The following CLASP2 variants were observed in gnomAD, a reference collection of about 807,000 sequenced individuals.
CLASP2 encodes cytoplasmic linker associated protein 2, also known as CLIP-associating protein 2.
In CLASP2, 47 loss-of-function variants were observed where a neutral mutation model predicts 194.4. The ratio of observed to expected loss-of-function variants is 0.24; its 90% CI spans 0.19 to 0.31. The LOEUF (loss-of-function observed/expected upper bound fraction) is 0.31. Among genes scored for constraint, CLASP2 ranks in the 10% least tolerant of loss-of-function variants. CLASP2 has a pLI of 1.00. For missense variants in CLASP2, 1,445 were observed against 1,823.6 expected (o/e 0.79, Z 3.78); for synonymous variants, 619 against 633.5 (o/e 0.98, Z 0.34).
chr3:33,581,672 C>G (rs1423205147), intron 23 of CLASP2, 149 bp downstream of exon 23: 2 of 589,926 alleles, frequency 3.4e-6, no homozygotes, highest in African/African-American at 3.8e-5. Context: ...ATTTCCCAAA[C>G]ATGTAATTTC....
intron 6 of CLASP2, among the ~76,000 whole-genome samples, chr3:33,674,609 G>A (rs1209093240): frequency 6.6e-6 from 1 of 151,918 alleles, no homozygotes; most frequent in African/African-American, 2.4e-5. Flanking sequence ...AGGAAATAGA[G>A]ACACAAAAAA....
At chr3:33,622,042 G>T in intron 11 of CLASP2, 93 bp downstream of exon 11, 4 of 915,614 alleles carry the variant, frequency 4.4e-6, no homozygotes, top group South Asian at 3.3e-5. Flanking sequence ...TACTTTTTTA[G>T]CTATCTTGCT....
rs151192920 is a variant in CLASP2, at chr3:33,556,560, C to T, written c.3009+2747G>A. Among the ~76,000 whole-genome samples the T allele has an allele frequency of 1.2e-3, 183 of 152,002 alleles. 2 individuals are homozygous for T. In the East Asian group the frequency reaches 0.034, roughly 29 times the overall value. On this transcript the variant is annotated intron_variant, in intron 29 of 38. Coordinates refer to ENST00000682230, the MANE Select transcript of CLASP2 (RefSeq NM_001365631.1). Reference sequence around the variant, plus strand: ...AAGCGATTCTCCTGCCTCAGCCTCCCGAGTAGTTGGGATTACAGATGCCTG... The same window carrying T: ...AAGCGATTCTCCTGCCTCAGCCTCCTGAGTAGTTGGGATTACAGATGCCTG...
chr3:33,569,533 T>C (rs2063368384), intron 26 of CLASP2, among the ~76,000 whole-genome samples: 2 of 152,230 alleles, frequency 1.3e-5, no homozygotes, highest in Admixed American at 1.3e-4. Flanking sequence ...TCAGGATTTA[T>C]AGAAATTTTT....
At chr3:33,641,380 T>G (rs1385420643) in intron 8 of CLASP2, among the ~76,000 whole-genome samples, 2 of 151,988 alleles carry the variant, frequency 1.3e-5, no homozygotes, top group Non-Finnish European at 2.9e-5. Context: ...AGAATTTACT[T>G]TATCCTTATT....
intron 21 of CLASP2, among the ~76,000 whole-genome samples, chr3:33,591,412 A>C (rs1033854562): frequency 6.6e-6 from 1 of 152,190 alleles, no homozygotes; most frequent in Admixed American, 6.5e-5. Context: ...CAGAAGAACA[A>C]GATCAGTTTG....
At chr3:33,535,133 A>T in intron 34 of CLASP2, 100 bp downstream of exon 34, 2 of 762,276 alleles carry the variant, frequency 2.6e-6, no homozygotes, top group Non-Finnish European at 4.3e-6. Flanking sequence ...AAAAATTGTT[A>T]CTTTTTGGGA....
chr3:33,589,476 T>C (rs1273015078), intron 21 of CLASP2, among the ~76,000 whole-genome samples: 2 of 152,104 alleles, frequency 1.3e-5, no homozygotes, highest in Non-Finnish European at 1.5e-5. Context: ...TCTGTGCAAA[T>C]ATATTGTAAA....
Position 33,573,095 on chromosome 3 carries a change from G to T in CLASP2, c.2699+15C>A. 2 of 1,612,504 alleles carry T rather than the reference G, an allele frequency of 1.2e-6. No individual in the cohort carries two copies. Among genetic ancestry groups the T allele is most frequent in the South Asian group, 1.1e-5 (1 of 90,974 alleles). ...TAACCTGATAGTAAAATCATTTTAA[G>T]ACAACGCATCTCACCTTAGTGTTCT... is the stretch of plus-strand genomic sequence containing the variant. On this transcript the variant is annotated intron_variant, in intron 25 of 38. Transcript: ENST00000682230.
At chr3:33,671,181 T>G in intron 6 of CLASP2, among the ~76,000 whole-genome samples, 1 of 152,084 alleles carries the variant, frequency 6.6e-6, no homozygotes. Context: ...CTTAGAAACA[T>G]TTGTGAGGTT....
chr3:33,605,311 A>G (rs1245780732), intron 16 of CLASP2, among the ~76,000 whole-genome samples: 2 of 152,178 alleles, frequency 1.3e-5, no homozygotes, highest in Non-Finnish European at 2.9e-5. Flanking sequence ...AAAGCAACAA[A>G]GACAGCTCAT....
intron 34 of CLASP2, among the ~76,000 whole-genome samples, chr3:33,520,129 T>C (rs1376395409): frequency 6.6e-6 from 1 of 152,188 alleles, no homozygotes; most frequent in Non-Finnish European, 1.5e-5. Flanking sequence ...TTCTCGTGCC[T>C]CAGCCTCCCA....
At chr3:33,648,706 A>T (rs1340926791) in intron 7 of CLASP2, among the ~76,000 whole-genome samples, 1 of 152,202 alleles carries the variant, frequency 6.6e-6, no homozygotes, top group Non-Finnish European at 1.5e-5. Context: ...TTTTCTAAAT[A>T]ACTATGAAAT....
At chr3:33,536,598 A>G (rs577573164) in intron 33 of CLASP2, among the ~76,000 whole-genome samples, 48 of 152,276 alleles carry the variant, frequency 3.2e-4, no homozygotes, top group Non-Finnish European at 5.7e-4. Flanking sequence ...AAAAAAGCCT[A>G]TTGTATAGAC....
At chr3:33,590,123 T>A (rs973462199) in intron 21 of CLASP2, among the ~76,000 whole-genome samples, 2 of 152,178 alleles carry the variant, frequency 1.3e-5, no homozygotes, top group Admixed American at 1.3e-4. Flanking sequence ...TAATGACAAT[T>A]TTATTAGCCA....
intron 1 of CLASP2, among the ~76,000 whole-genome samples, chr3:33,711,551 T>C (rs1205480467): frequency 6.6e-6 from 1 of 151,620 alleles, no homozygotes; most frequent in African/African-American, 2.4e-5. Flanking sequence ...TGAGCCACCA[T>C]GCTCAGCGCA....
intron 6 of CLASP2, among the ~76,000 whole-genome samples, chr3:33,680,339 C>A (rs991256508): frequency 3.3e-5 from 5 of 152,154 alleles, no homozygotes; most frequent in African/African-American, 1.2e-4. Flanking sequence ...ACCCCTAGTG[C>A]AAACTATAAT....
chr3:33,715,344 A>G (rs907796023), intron 1 of CLASP2, among the ~76,000 whole-genome samples: 1 of 152,202 alleles, frequency 6.6e-6, no homozygotes, highest in Non-Finnish European at 1.5e-5. Flanking sequence ...TTAACGACCA[A>G]CTATTTAAAA....
chr3:33,606,973 C>T (rs1448549416), intron 15 of CLASP2, among the ~76,000 whole-genome samples: 2 of 152,214 alleles, frequency 1.3e-5, no homozygotes, highest in Admixed American at 6.5e-5. Context: ...TGCTGTGCCA[C>T]TTATAGTTTG....
Sources: gnomAD v4.1 joint callset for allele counts (sites outside exome capture counted in the v4.1 genomes callset) on GRCh38, gnomAD v4.1.1 for gene constraint, MANE v1.5 for transcripts, NCBI Gene and HGNC (gene_info 2026-07-23, HGNC 2026-07-21) for gene names.